The following DPP8 variants were observed in gnomAD, a reference collection of about 807,000 sequenced individuals.
DPP8 encodes DPP VIII.
A neutral mutation model predicts 107.5 loss-of-function variants in DPP8; 31 were observed. The observed-to-expected ratio is 0.29, with a 90% CI of 0.22 to 0.39. The LOEUF (loss-of-function observed/expected upper bound fraction) is 0.39. Among genes scored for constraint, DPP8 ranks in the 10% least tolerant of loss-of-function variants. DPP8 has a pLI of 1.00. For missense variants in DPP8, 842 were observed against 1,076.1 expected (o/e 0.78, Z 3.04); for synonymous variants, 381 against 356.6 (o/e 1.07, Z -0.77).
At chr15:65,469,920 G>T (rs1459041763) in intron 12 of DPP8, among the ~76,000 whole-genome samples, 1 of 152,048 alleles carries the variant, frequency 6.6e-6, no homozygotes. Context: ...TAGATGGCCA[G>T]GTGTGGTGGC....
At chr15:65,504,717 C>T (rs1472003132) in intron 3 of DPP8, among the ~76,000 whole-genome samples, 2 of 149,478 alleles carry the variant, frequency 1.3e-5, no homozygotes, top group Non-Finnish European at 3.0e-5. Context: ...TGGGGTGGCT[C>T]ACACCTATTA....
rs140022153 is a variant in DPP8, at chr15:65,491,764, G to T, written c.716-1465C>A. On this transcript the variant is annotated intron_variant, in intron 5 of 19. Coordinates refer to ENST00000300141, the MANE Select transcript of DPP8 (RefSeq NM_130434.5). ...AACATTTTTTTTGAGACGGAGTCTC[G>T]CTCTGTTGCCCAAACTGGAGTGCAG... Among the ~76,000 whole-genome samples the T allele has an allele frequency of 8.6e-3, 1,301 of 152,104 alleles. 12 individuals carry two copies. The highest frequency in any genetic ancestry group is 0.029 in the African/African-American group (1,218 of 41,494).
chr15:65,474,684 C>G (rs895834400), intron 11 of DPP8, among the ~76,000 whole-genome samples: 1 of 152,210 alleles, frequency 6.6e-6, no homozygotes, highest in African/African-American at 2.4e-5. Context: ...ATTGCCCACG[C>G]TGGTCTTGAA....
chr15:65,483,791 A>G (rs982132728), intron 8 of DPP8, among the ~76,000 whole-genome samples: 13 of 152,184 alleles, frequency 8.5e-5, no homozygotes, highest in Non-Finnish European at 1.0e-4. Context: ...TACTCATGGC[A>G]GCATTATTCA....
At chr15:65,485,002 A>G in intron 8 of DPP8, 97 bp downstream of exon 8, 1 of 954,516 alleles carries the variant, frequency 1.0e-6, no homozygotes, top group Non-Finnish European at 1.7e-6. Context: ...CAGCAAGTTC[A>G]GCAAGTCCAA....
chr15:65,485,421 G>A (rs2067310955), intron 7 of DPP8, among the ~76,000 whole-genome samples: 1 of 151,500 alleles, frequency 6.6e-6, no homozygotes, highest in South Asian at 2.1e-4. Context: ...GTGTGCGCCT[G>A]TAATCCCAGC....
At chr15:65,455,504 C>T (rs1253319948) in intron 16 of DPP8, 1 of 258,616 alleles carries the variant, frequency 3.9e-6, no homozygotes, top group African/African-American at 2.3e-5. Context: ...CTTCTTATTT[C>T]CCTATTATAC....
chr15:65,469,039 G>A (rs568443353), intron 12 of DPP8, among the ~76,000 whole-genome samples: 1 of 152,040 alleles, frequency 6.6e-6, no homozygotes, highest in Non-Finnish European at 1.5e-5. Flanking sequence ...GCAGTGGCGC[G>A]ATCTCGGCTC....
In DPP8 at chr15:65,481,620, T is replaced by TA. The variant is rs2140762428; in HGVS notation, c.1018-6dup. ...CTTATCTATGACATCTATGATCTAT[T>TA]AAAAAAGAAAAAAAAAGAATCTAGT... On this transcript the variant is annotated splice_polypyrimidine_tract_variant and splice_region_variant and intron_variant, in intron 8 of 19. Coordinates refer to ENST00000300141, the MANE Select transcript of DPP8 (RefSeq NM_130434.5). The TA allele has an allele frequency of 7.3e-7, 1 of 1,374,190 alleles. No homozygotes were observed. Among genetic ancestry groups the TA allele is most frequent in the South Asian group, 1.3e-5 (1 of 74,160 alleles). The allele number at this position is 1,374,190 out of a possible 1,614,324, so 85.1% of individuals were successfully genotyped here.
intron 6 of DPP8, among the ~76,000 whole-genome samples, chr15:65,489,412 A>C (rs1430891154): frequency 3.9e-4 from 8 of 20,684 alleles, no homozygotes; most frequent in Admixed American, 7.5e-4. Context: ...AATATAATCT[A>C]CTTTTTTTTT....
rs561285095 is a variant in DPP8, at chr15:65,482,181, G to C, written c.1018-566C>G. 3.3e-5 allele frequency among the ~76,000 whole-genome samples: 5 copies of C among 151,030 alleles called. No homozygotes were observed. The East Asian group carries it at 9.8e-4, about 30-fold the overall frequency. On this transcript the variant is annotated intron_variant, in intron 8 of 19. Coordinates refer to ENST00000300141, the MANE Select transcript of DPP8 (RefSeq NM_130434.5). Reference sequence around the variant, plus strand: ...CTGAGTAGCTGAGACTACAGGTAAGGTGTGTGCTTGTAATGAAATTAAATA... The same window carrying C: ...CTGAGTAGCTGAGACTACAGGTAAGCTGTGTGCTTGTAATGAAATTAAATA...
chr15:65,506,237 G>C lies in DPP8; in HGVS notation c.372+1006C>G, dbSNP rs1294970415. 1.3e-5 allele frequency among the ~76,000 whole-genome samples: 2 copies of C among 151,966 alleles called. 1 individual carries two copies. Among genetic ancestry groups the C allele is most frequent in the Admixed American group, 1.3e-4 (2 of 15,224 alleles). On this transcript the variant is annotated intron_variant, in intron 3 of 19. Transcript: ENST00000300141. Reference sequence around the variant, plus strand: ...CCAGCTACTTGGGAGTCTGAGGTAGGAGAATCGCTTGAACCCGGGAGGCGG... The same window carrying C: ...CCAGCTACTTGGGAGTCTGAGGTAGCAGAATCGCTTGAACCCGGGAGGCGG...
chr15:65,456,830 C>A (rs893558522), intron 15 of DPP8, among the ~76,000 whole-genome samples: 2 of 152,176 alleles, frequency 1.3e-5, no homozygotes, highest in Non-Finnish European at 2.9e-5. Flanking sequence ...TTGGCTACCT[C>A]TGACCTCATC....
At chr15:65,497,769 C>A in intron 5 of DPP8, 95 bp downstream of exon 5, 1 of 970,388 alleles carries the variant, frequency 1.0e-6, no homozygotes, top group Admixed American at 2.9e-5. Context: ...ATATAAAGAT[C>A]ACCCAACGTG....
intron 19 of DPP8, among the ~76,000 whole-genome samples, chr15:65,448,607 G>C (rs1397784536): frequency 6.9e-6 from 1 of 144,046 alleles, no homozygotes; most frequent in African/African-American, 2.6e-5. Flanking sequence ...GGGAGGCGGA[G>C]CTTGCAGTAA....
chr15:65,484,322 T>C (rs2067201907), intron 8 of DPP8, among the ~76,000 whole-genome samples: 2 of 144,130 alleles, frequency 1.4e-5, no homozygotes, highest in South Asian at 4.3e-4. Context: ...CAAGACTCTG[T>C]CTCAAAAAAA....
At chr15:65,497,051 GGCTAATTTTTGTATTTTTAGTA>G (rs2068677643) in intron 5 of DPP8, among the ~76,000 whole-genome samples, 1 of 151,692 alleles carries the variant, frequency 6.6e-6, no homozygotes, top group Non-Finnish European at 1.5e-5. Context: ...CCACCATTCC[GGCTAATTTTTGTATTTTTAGTA>G]GAGACAGGGT....
chr15:65,452,510 T>C (rs968820225), intron 17 of DPP8, among the ~76,000 whole-genome samples: 9 of 152,248 alleles, frequency 5.9e-5, no homozygotes, highest in African/African-American at 2.2e-4. Flanking sequence ...TGAAATATAC[T>C]AAAAATTTGC....
chr15:65,462,356 TTTTATGG>T (rs1293801297), intron 15 of DPP8, among the ~76,000 whole-genome samples: 1 of 152,194 alleles, frequency 6.6e-6, no homozygotes, highest in Non-Finnish European at 1.5e-5. Context: ...GATTTAGAGA[TTTTATGG>T]TTTATGTAGT....
Sources: allele counts gnomAD v4.1 joint callset (sites outside exome capture counted in the v4.1 genomes callset), GRCh38; gene constraint gnomAD v4.1.1; transcripts MANE v1.5; gene names NCBI Gene and HGNC (gene_info 2026-07-23, HGNC 2026-07-21).